RARB: variants seen among roughly 807,000 people sequenced by gnomAD.
RARB encodes the protein HBV-activated protein.
Under a neutral mutation model 51.9 loss-of-function variants are expected in RARB, and 17 were observed. That is an observed-to-expected ratio of 0.33 (90% confidence interval 0.22 to 0.49). RARB has a LOEUF of 0.49. RARB is among the 20% of genes least tolerant of loss of function. The probability of loss-of-function intolerance (pLI) is 0.99; values close to 1 mark genes in which losing one functional copy is unlikely to be tolerated. For missense variants in RARB, 369 were observed against 550.8 expected, an observed-to-expected ratio of 0.67 and a Z score of 3.30; for synonymous variants, 215 against 195.4, an observed-to-expected ratio of 1.10 and a Z score of -0.84.
chr3:24,989,119 C>G (rs1484732353), intron 2 of RARB, among the ~76,000 whole-genome samples: 2 of 152,246 alleles, frequency 1.3e-5, no homozygotes, highest in Non-Finnish European at 2.9e-5. Flanking sequence ...AGCCACCGCA[C>G]CCGGCCCACT....
chr3:25,035,935 C>T (rs945451570), intron 2 of RARB, among the ~76,000 whole-genome samples: 2 of 152,170 alleles, frequency 1.3e-5, no homozygotes, highest in Admixed American at 6.5e-5. Context: ...TGGTGAACTG[C>T]CATGGAGGGC....
chr3:25,452,077 C>A (rs1412006885), intron 1 of RARB, among the ~76,000 whole-genome samples: 1 of 152,132 alleles, frequency 6.6e-6, no homozygotes, highest in African/African-American at 2.4e-5. Flanking sequence ...TCACTTAATG[C>A]AGTTTCATTT....
intron 3 of RARB, among the ~76,000 whole-genome samples, chr3:25,546,722 G>A (rs533492285): frequency 5.3e-5 from 8 of 152,020 alleles, no homozygotes; most frequent in Middle Eastern, 3.4e-3. Flanking sequence ...AAGAAGACTC[G>A]AAGGAGGTGA....
At chr3:24,900,722 G>A (rs2363518) in intron 2 of RARB, among the ~76,000 whole-genome samples, 113,636 of 152,066 alleles carry the variant, frequency 0.75, 42,935 homozygotes, top group East Asian at 0.87. Flanking sequence ...AATGCATTTA[G>A]GCACAACTTT....
intron 5 of RARB, among the ~76,000 whole-genome samples, chr3:25,331,434 A>G (rs1704892226): frequency 6.6e-6 from 1 of 152,244 alleles, no homozygotes; most frequent in African/African-American, 2.4e-5. Context: ...TACTGGATAC[A>G]TAACAAAACG....
At chr3:25,473,416 T>A (rs1695796467) in intron 2 of RARB, among the ~76,000 whole-genome samples, 1 of 152,148 alleles carries the variant, frequency 6.6e-6, no homozygotes, top group Non-Finnish European at 1.5e-5. Context: ...CCGGCCCCAT[T>A]AGAGCCTTGT....
At chr3:25,544,831 A>G (rs1267266718) in intron 3 of RARB, among the ~76,000 whole-genome samples, 1 of 152,182 alleles carries the variant, frequency 6.6e-6, no homozygotes, top group South Asian at 2.1e-4. Flanking sequence ...TCAGTTTTTC[A>G]AGCAGTTGCT....
At chr3:24,917,072 G>A (rs1233097276) in intron 2 of RARB, among the ~76,000 whole-genome samples, 1 of 151,852 alleles carries the variant, frequency 6.6e-6, no homozygotes, top group African/African-American at 2.4e-5. Context: ...GGTGTTCACT[G>A]TAAAACTTTT....
chr3:25,157,374 G>A (rs1299170827), intron 4 of RARB, among the ~76,000 whole-genome samples: 26 of 115,092 alleles, frequency 2.3e-4, no homozygotes, highest in Non-Finnish European at 3.0e-4. Context: ...GTGTGTGTGT[G>A]TGTGTGTATA....
At chr3:25,288,960 T>A (rs1703719430) in intron 5 of RARB, among the ~76,000 whole-genome samples, 3 of 152,168 alleles carry the variant, frequency 2.0e-5, no homozygotes, top group Non-Finnish European at 4.4e-5. Context: ...TCACCTATAT[T>A]TGGAGACCTT....
Position 24,989,743 on chromosome 3 carries a change from A to G in RARB, c.-379-70382A>G, listed in dbSNP as rs1443397800. Among the ~76,000 whole-genome samples, 3 of 89,228 alleles carry G rather than the reference A, an allele frequency of 3.4e-5. 1 individual carries two copies. The highest frequency in any genetic ancestry group is 6.5e-5 in the Non-Finnish European group (3 of 45,932). The allele number at this position is 89,228 out of a possible 152,430, so 58.5% of individuals were successfully genotyped here. A position where few individuals can be genotyped will look rare whatever the true frequency, so the allele number is the denominator to read the frequency against. On this transcript the variant is annotated intron_variant, in intron 2 of 11. Transcript: ENST00000383772. ...TGCCCAGTCTATAGCTTAATTTCCA[A>G]CTTTCATTTTAACTGTTGTCATATG...
chr3:25,072,956 C>G (rs977220248), intron 3 of RARB, among the ~76,000 whole-genome samples: 2 of 152,012 alleles, frequency 1.3e-5, no homozygotes, highest in Admixed American at 6.6e-5. Context: ...CCTCGGACTC[C>G]GAAAGTGCTG....
chr3:25,036,831 A>G (rs781584773), intron 2 of RARB, among the ~76,000 whole-genome samples: 3 of 152,190 alleles, frequency 2.0e-5, no homozygotes, highest in Non-Finnish European at 4.4e-5. Context: ...GGATCTGGCC[A>G]GATTCTCTGG....
intron 2 of RARB, among the ~76,000 whole-genome samples, chr3:24,988,648 C>G (rs756768979): frequency 8.5e-5 from 13 of 152,068 alleles, no homozygotes; most frequent in African/African-American, 3.1e-4. Flanking sequence ...CTATCCCACT[C>G]TACCTTCCTT....
intron 4 of RARB, among the ~76,000 whole-genome samples, chr3:25,576,106 C>G (rs935509410): frequency 7.3e-6 from 1 of 136,752 alleles, no homozygotes; most frequent in Non-Finnish European, 1.6e-5. Context: ...AGCATGAACA[C>G]GGCACAGGGT....
intron 4 of RARB, among the ~76,000 whole-genome samples, chr3:25,146,815 G>A (rs899151489): frequency 6.6e-6 from 1 of 152,058 alleles, no homozygotes; most frequent in African/African-American, 2.4e-5. Context: ...CACGGCGCCC[G>A]GCATTTGCTA....
chr3:25,309,486 C>CTTTT (rs149976069), intron 5 of RARB, among the ~76,000 whole-genome samples: 1 of 58,084 alleles, frequency 1.7e-5, no homozygotes, highest in Non-Finnish European at 3.2e-5. Flanking sequence ...CTCATAGTTG[C>CTTTT]TTTTTTTTTT....
chr3:25,203,711 G>A (rs1206199865), intron 5 of RARB, among the ~76,000 whole-genome samples: 1 of 152,204 alleles, frequency 6.6e-6, no homozygotes, highest in East Asian at 1.9e-4. Context: ...GGCTGGATAT[G>A]AAATTTTGGA....
intron 2 of RARB, among the ~76,000 whole-genome samples, chr3:24,873,886 G>T (rs954176146): frequency 6.6e-6 from 1 of 151,924 alleles, no homozygotes; most frequent in Admixed American, 6.6e-5. Flanking sequence ...TGTACAGTTA[G>T]CCCTTTGTAC....
Sources: gnomAD v4.1 joint callset for allele counts (sites outside exome capture counted in the v4.1 genomes callset) on GRCh38, gnomAD v4.1.1 for gene constraint, MANE v1.5 for transcripts, NCBI Gene and HGNC (gene_info 2026-07-23, HGNC 2026-07-21) for gene names.